The following PCDH11Y variants were observed in gnomAD, a reference collection of about 807,000 sequenced individuals.
PCDH11Y encodes protocadherin 11 Y-linked.
For missense variants in PCDH11Y, 12 were observed against 224.8 expected, an observed-to-expected ratio of 0.05 and a Z score of 6.05; for synonymous variants, 9 against 83.6, an observed-to-expected ratio of 0.11 and a Z score of 4.87.
At chrY:5,666,611 A>G in intron 4 of PCDH11Y, among the ~76,000 whole-genome samples, 1 of 33,120 alleles carries the variant, frequency 3.0e-5, no homozygotes, top group Admixed American at 2.8e-4. Flanking sequence ...TTTGTTATGG[A>G]AAGATGCTAT....
intron 3 of PCDH11Y, among the ~76,000 whole-genome samples, chrY:5,512,017 T>C: frequency 3.0e-5 from 1 of 32,921 alleles, no homozygotes; most frequent in South Asian, 7.0e-4. Flanking sequence ...GAATATCAAG[T>C]CTGCTCCTTC....
At chrY:5,526,113 T>A (rs2053387654) in intron 3 of PCDH11Y, among the ~76,000 whole-genome samples, 1 of 33,371 alleles carries the variant, frequency 3.0e-5, no homozygotes, top group Non-Finnish European at 7.4e-5. Context: ...TTGCTTTGTC[T>A]TTTGTTTTTG....
intron 1 of PCDH11Y, among the ~76,000 whole-genome samples, chrY:5,022,492 C>A (rs1282886076): frequency 7.0e-5 from 2 of 28,684 alleles, no homozygotes; most frequent in Non-Finnish European, 1.6e-4. Context: ...TGGTGGCATG[C>A]GGCTGTAGAC....
At chrY:5,354,573 A>G (rs1602910034) in intron 2 of PCDH11Y, among the ~76,000 whole-genome samples, 1 of 32,922 alleles carries the variant, frequency 3.0e-5, no homozygotes, top group Admixed American at 2.9e-4. Context: ...TTATACGCGC[A>G]CACACACACG....
chrY:5,429,377 T>C, intron 2 of PCDH11Y, among the ~76,000 whole-genome samples: 1 of 33,861 alleles, frequency 3.0e-5, no homozygotes, highest in Non-Finnish European at 7.3e-5. Context: ...TAACATGTGC[T>C]ATTTACTCCT....
intron 3 of PCDH11Y, among the ~76,000 whole-genome samples, chrY:5,045,285 C>G (rs1602847536): frequency 3.0e-5 from 1 of 32,848 alleles, no homozygotes; most frequent in African/African-American, 1.2e-4. Flanking sequence ...CTTCCTTCAG[C>G]AGCTCTTTTA....
intron 2 of PCDH11Y, among the ~76,000 whole-genome samples, chrY:5,323,577 C>T: frequency 3.0e-5 from 1 of 33,670 alleles, no homozygotes; most frequent in African/African-American, 1.2e-4. Flanking sequence ...GCCATACTGG[C>T]CACATCAAGT....
chrY:5,420,070 A>C (rs1370749352), intron 2 of PCDH11Y, among the ~76,000 whole-genome samples: 2 of 32,596 alleles, frequency 6.1e-5, no homozygotes, highest in African/African-American at 1.2e-4. Context: ...GGTACATTCA[A>C]ACTAGCCACC....
At chrY:5,295,548 T>TG (rs2053072872) in intron 2 of PCDH11Y, among the ~76,000 whole-genome samples, 1 of 32,130 alleles carries the variant, frequency 3.1e-5, no homozygotes, top group Admixed American at 2.9e-4. Flanking sequence ...AGCTAATTTT[T>TG]TTTTTGTATT....
chrY:5,144,252 A>AT (rs2052854282), intron 2 of PCDH11Y, among the ~76,000 whole-genome samples: 1 of 32,335 alleles, frequency 3.1e-5, no homozygotes, highest in Non-Finnish European at 7.6e-5. Flanking sequence ...AAATCCCTCT[A>AT]TTTTTTCTCT....
intron 3 of PCDH11Y, among the ~76,000 whole-genome samples, chrY:5,524,478 A>G: frequency 3.0e-5 from 1 of 33,069 alleles, no homozygotes; most frequent in South Asian, 6.7e-4. Flanking sequence ...AGAAAGTTTG[A>G]GTAGGTCAAT....
chrY:5,156,433 C>T, intron 2 of PCDH11Y, among the ~76,000 whole-genome samples: 16 of 27,761 alleles, frequency 5.8e-4, no homozygotes, highest in African/African-American at 2.2e-3. Flanking sequence ...TCTGGAATTA[C>T]CCACCTTTAG....
At chrY:5,653,630 C>T (rs2053533724) in intron 4 of PCDH11Y, among the ~76,000 whole-genome samples, 1 of 33,148 alleles carries the variant, frequency 3.0e-5, no homozygotes, top group East Asian at 8.2e-4. Context: ...ACCAAATCTA[C>T]GTTTGATTGG....
chrY:5,214,775 A>C (rs1602887478), intron 2 of PCDH11Y, among the ~76,000 whole-genome samples: 3 of 32,644 alleles, frequency 9.2e-5, no homozygotes, highest in East Asian at 1.6e-3. Flanking sequence ...GTTTTGATAC[A>C]TCTATAGGTT....
At chrY:5,275,619 A>C (rs770274680) in intron 2 of PCDH11Y, among the ~76,000 whole-genome samples, 706 of 33,591 alleles carry the variant, frequency 0.021, no homozygotes, top group Middle Eastern at 0.041. Context: ...GCATTCCACA[A>C]ATTCTATAAA....
At chrY:5,596,464 C>T in intron 4 of PCDH11Y, among the ~76,000 whole-genome samples, 2 of 25,022 alleles carry the variant, frequency 8.0e-5, no homozygotes, top group Non-Finnish European at 9.2e-5. Context: ...ATTGTGACAC[C>T]GGGCTTGTTT....
chrY:5,026,216 T>G, intron 1 of PCDH11Y, among the ~76,000 whole-genome samples: 1 of 33,040 alleles, frequency 3.0e-5, no homozygotes, highest in African/African-American at 1.2e-4. Flanking sequence ...AATGTCATGA[T>G]AAAAGACAGC....
intron 3 of PCDH11Y, among the ~76,000 whole-genome samples, chrY:5,507,241 C>A: frequency 3.0e-5 from 1 of 33,069 alleles, no homozygotes; most frequent in Non-Finnish European, 7.5e-5. Context: ...TTTAAACTGA[C>A]ATGCTTTTCA....
intron 2 of PCDH11Y, among the ~76,000 whole-genome samples, chrY:5,154,626 G>GGT (rs61014486): frequency 0.14 from 3,864 of 27,747 alleles, no homozygotes; most frequent in African/African-American, 0.55. Context: ...AAGCTTTAGT[G>GGT]GTGTGTGTGT....
Sources: allele counts gnomAD v4.1 joint callset (sites outside exome capture counted in the v4.1 genomes callset), GRCh38; gene constraint gnomAD v4.1.1; transcripts MANE v1.5; gene names NCBI Gene and HGNC (gene_info 2026-07-23, HGNC 2026-07-21).